The following UBE2K variants were observed in gnomAD, a reference collection of about 807,000 sequenced individuals.
The protein encoded by UBE2K is ubiquitin-conjugating enzyme E2 K.
In UBE2K, 6 loss-of-function variants were observed where a neutral mutation model predicts 30.0. That is an observed-to-expected ratio of 0.20 (90% CI 0.11 to 0.39). UBE2K has a LOEUF of 0.39. Among genes scored for constraint, UBE2K ranks in the 10% least tolerant of loss-of-function variants. The probability of loss-of-function intolerance (pLI) is 1.00; values close to 1 mark genes in which losing one functional copy is unlikely to be tolerated. For missense variants in UBE2K, 61 were observed against 241.6 expected, an observed-to-expected ratio of 0.25 and a Z score of 4.96; for synonymous variants, 86 against 83.7, an observed-to-expected ratio of 1.03 and a Z score of -0.15.
intron 2 of UBE2K, among the ~76,000 whole-genome samples, chr4:39,743,014 C>T (rs1315639412): frequency 6.6e-6 from 1 of 151,592 alleles, no homozygotes; most frequent in Non-Finnish European, 1.5e-5. Context: ...CCTCTGCACT[C>T]CAGCCTGGGC....
intron 1 of UBE2K, among the ~76,000 whole-genome samples, chr4:39,704,516 C>T (rs893764209): frequency 3.3e-5 from 5 of 151,956 alleles, no homozygotes; most frequent in African/African-American, 4.8e-5. Context: ...GGTTTAGACA[C>T]ATCTGGGCTC....
intron 1 of UBE2K, among the ~76,000 whole-genome samples, chr4:39,723,383 C>T (rs868712557): frequency 0.056 from 1,938 of 34,422 alleles, 52 homozygotes; most frequent in African/African-American, 0.2. Context: ...TTTTTTTTTT[C>T]CTTCAGACTG....
chr4:39,708,471 CCT>C (rs1252171537), intron 1 of UBE2K, among the ~76,000 whole-genome samples: 1 of 151,888 alleles, frequency 6.6e-6, no homozygotes, highest in East Asian at 1.9e-4. Context: ...AGAAACAGAC[CCT>C]TCCCAGTACC....
At chr4:39,711,897 C>T (rs952105943) in intron 1 of UBE2K, among the ~76,000 whole-genome samples, 9 of 151,582 alleles carry the variant, frequency 5.9e-5, no homozygotes, top group Non-Finnish European at 1.3e-4. Flanking sequence ...AAAAATTAGC[C>T]AGGCATGGTG....
rs565960887 is a variant in UBE2K, at chr4:39,756,454, T to TTTTG, written c.299+727_299+730dup. On this transcript the variant is annotated intron_variant, in intron 4 of 6. Coordinates refer to ENST00000261427, the MANE Select transcript of UBE2K (RefSeq NM_005339.5). ...CCTTAGAATAGAGCTTTGCTTTTGT[T>TTTTG]TTTGTTTGTTTGTTTTGAGACAGGG... Among the ~76,000 whole-genome samples the TTTTG allele has an allele frequency of 3.3e-3, 503 of 152,306 alleles. 1 individual carries two copies. Among genetic ancestry groups the TTTTG allele is most frequent in the African/African-American group, 0.011 (471 of 41,570 alleles).
chr4:39,757,034 T>G (rs13137353), intron 4 of UBE2K, among the ~76,000 whole-genome samples: 2 of 98,256 alleles, frequency 2.0e-5, no homozygotes, highest in Non-Finnish European at 3.7e-5. Context: ...TGTTTTTTGT[T>G]TTTTTTTTGA....
intron 4 of UBE2K, among the ~76,000 whole-genome samples, chr4:39,767,847 TTAAA>T (rs1712451564): frequency 1.3e-5 from 2 of 152,290 alleles, no homozygotes; most frequent in South Asian, 4.1e-4. Flanking sequence ...TAAATTTCCT[TTAAA>T]TAAATAATTT....
chr4:39,755,828 A>G (rs927734623), intron 4 of UBE2K, 89 bp downstream of exon 4: 7 of 937,788 alleles, frequency 7.5e-6, no homozygotes, highest in Admixed American at 5.6e-5. Context: ...CAAAACATAT[A>G]TTATACTTTA....
intron 1 of UBE2K, among the ~76,000 whole-genome samples, chr4:39,701,079 T>C (rs1002628873): frequency 2.6e-4 from 40 of 152,230 alleles, no homozygotes; most frequent in Non-Finnish European, 8.8e-5. Context: ...TGTGATTTAC[T>C]TAAAGGCATC....
At chr4:39,774,410 A>G (rs950961219) in intron 4 of UBE2K, among the ~76,000 whole-genome samples, 2 of 151,994 alleles carry the variant, frequency 1.3e-5, no homozygotes, top group Non-Finnish European at 2.9e-5. Flanking sequence ...GATCGAGACC[A>G]TCCTGGCTAA....
chr4:39,699,410 T>C (rs1717885018), intron 1 of UBE2K, among the ~76,000 whole-genome samples: 1 of 152,174 alleles, frequency 6.6e-6, no homozygotes, highest in South Asian at 2.1e-4. Context: ...TAACAGATTT[T>C]CAAAAAAGTT....
At chr4:39,776,414 T>A (rs762451908) in intron 5 of UBE2K, among the ~76,000 whole-genome samples, 1 of 152,192 alleles carries the variant, frequency 6.6e-6, no homozygotes, top group Non-Finnish European at 1.5e-5. Flanking sequence ...CTTTATAAAG[T>A]GCAAATCTTA....
chr4:39,727,959 G>C (rs1199589430), intron 1 of UBE2K, among the ~76,000 whole-genome samples: 2 of 151,918 alleles, frequency 1.3e-5, no homozygotes, highest in Non-Finnish European at 2.9e-5. Flanking sequence ...GTGAAACCCT[G>C]TGTCTACTAA....
intron 4 of UBE2K, chr4:39,760,979 T>G (rs1003525919): frequency 3.3e-5 from 5 of 152,160 alleles, no homozygotes; most frequent in Non-Finnish European, 4.4e-5. Context: ...TGCTTAAACT[T>G]TAACAAAAAA....
chr4:39,719,839 A>G (rs1719323034), intron 1 of UBE2K, among the ~76,000 whole-genome samples: 1 of 152,212 alleles, frequency 6.6e-6, no homozygotes. Flanking sequence ...CTCCTATTAG[A>G]CATTCAGTTA....
At chr4:39,777,168 T>A (rs957966939) in intron 5 of UBE2K, among the ~76,000 whole-genome samples, 4 of 152,216 alleles carry the variant, frequency 2.6e-5, no homozygotes, top group Non-Finnish European at 4.4e-5. Context: ...TCAAGTTATG[T>A]AATAAGTTAG....
chr4:39,720,402 A>G (rs1214806272), intron 1 of UBE2K, among the ~76,000 whole-genome samples: 1 of 151,946 alleles, frequency 6.6e-6, no homozygotes, highest in Non-Finnish European at 1.5e-5. Flanking sequence ...CTGTGGTTCA[A>G]TTCTTTAGTG....
intron 1 of UBE2K, among the ~76,000 whole-genome samples, chr4:39,714,657 C>T (rs1430970952): frequency 6.7e-6 from 1 of 148,518 alleles, no homozygotes; most frequent in East Asian, 2.0e-4. Flanking sequence ...AGTGATTCTC[C>T]TGCCTCAGCC....
intron 1 of UBE2K, among the ~76,000 whole-genome samples, chr4:39,712,126 C>T (rs1718727224): frequency 6.7e-6 from 1 of 150,164 alleles, no homozygotes; most frequent in South Asian, 2.1e-4. Context: ...TTGAAACCGC[C>T]CCCCCTTTTT....
Sources: allele counts gnomAD v4.1 joint callset (sites outside exome capture counted in the v4.1 genomes callset), GRCh38; gene constraint gnomAD v4.1.1; transcripts MANE v1.5; gene names NCBI Gene and HGNC (gene_info 2026-07-23, HGNC 2026-07-21).